The following PDXDC1 variants were observed in gnomAD, a reference collection of about 807,000 sequenced individuals.
The protein encoded by PDXDC1 is pyridoxal-dependent decarboxylase domain-containing protein 1.
PDXDC1 carries 42 observed loss-of-function variants against 100.1 expected under a neutral mutation model. That is an observed-to-expected ratio of 0.42 (90% CI 0.33 to 0.54). The LOEUF (loss-of-function observed/expected upper bound fraction) is 0.54, where lower values mean the gene tolerates loss of function less well. Among genes scored for constraint, PDXDC1 ranks in the 20% least tolerant of loss-of-function variants. The probability of loss-of-function intolerance (pLI) is 0.10; values close to 1 mark genes in which losing one functional copy is unlikely to be tolerated. For synonymous variants in PDXDC1, 260 were observed against 371.7 expected (o/e 0.70, Z 3.46); for missense variants, 636 against 979.2 (o/e 0.65, Z 4.68).
At chr16:15,127,034 C>A (rs981809171) in intron 16 of PDXDC1, 1 of 346,628 alleles carries the variant, frequency 2.9e-6, no homozygotes, top group Non-Finnish European at 5.7e-6. Context: ...CAGATCCGCC[C>A]ACCTCGGCCT....
intron 16 of PDXDC1, among the ~76,000 whole-genome samples, chr16:15,069,252 A>G (rs1225069769): frequency 6.6e-6 from 1 of 152,092 alleles, no homozygotes; most frequent in South Asian, 2.1e-4. Flanking sequence ...GTTGGCAGCT[A>G]GTAGGTGGAG....
intron 16 of PDXDC1, chr16:15,047,287 C>T (rs999243987): frequency 4.8e-5 from 30 of 626,058 alleles, no homozygotes; most frequent in African/African-American, 1.8e-4. Flanking sequence ...CCACTGCTGA[C>T]GCAGTGCCCA....
In PDXDC1 at chr16:15,007,157, CTTTTTTTTTTT is replaced by C. The variant is rs56256230; in HGVS notation, c.579+595_579+605del. ...AGAATTGCTGGATCAAAGAGCATGA[CTTTTTTTTTTT>C]TTTTTTTTTTTTTTTTTTTTGAGAC... On this transcript the variant is annotated intron_variant, in intron 6 of 22. Coordinates refer to ENST00000396410, the MANE Select transcript of PDXDC1 (RefSeq NM_015027.4). Among the ~76,000 whole-genome samples, 37 of 73,952 alleles carry C rather than the reference CTTTTTTTTTTT, an allele frequency of 5.0e-4. No homozygotes were observed. In the South Asian group the frequency reaches 7.3e-3, roughly 15 times the overall value. 48.5% of individuals were successfully genotyped at this position (73,952 alleles called of 152,430 possible).
chr16:15,044,686 G>T, intron 16 of PDXDC1: 1 of 501,568 alleles, frequency 2.0e-6, no homozygotes. Context: ...CTTTGCTCTG[G>T]AAGAGCACAG....
At chr16:14,982,939 G>A (rs2151176546) in intron 1 of PDXDC1, among the ~76,000 whole-genome samples, 1 of 152,390 alleles carries the variant, frequency 6.6e-6, no homozygotes, top group East Asian at 1.9e-4. Flanking sequence ...GGAGGCAAGA[G>A]TAGTTAAGTT....
chr16:15,125,072 G>A (rs1197845776), intron 16 of PDXDC1, among the ~76,000 whole-genome samples: 3 of 149,486 alleles, frequency 2.0e-5, no homozygotes, highest in Non-Finnish European at 4.4e-5. Context: ...CCTTGAACCC[G>A]GGAGGCGGAG....
intron 16 of PDXDC1, among the ~76,000 whole-genome samples, chr16:15,102,106 A>G (rs556668495): frequency 3.9e-5 from 6 of 152,140 alleles, no homozygotes; most frequent in African/African-American, 1.4e-4. Context: ...TCGGCCTCTC[A>G]AAGTGTTGGG....
intron 16 of PDXDC1, among the ~76,000 whole-genome samples, chr16:15,075,520 A>G (rs1187621831): frequency 2.0e-5 from 3 of 151,826 alleles, no homozygotes; most frequent in African/African-American, 7.3e-5. Flanking sequence ...GGAGTGGGCC[A>G]AGATCACACA....
chr16:15,050,379 C>A (rs570543743), intron 16 of PDXDC1, among the ~76,000 whole-genome samples: 2 of 152,316 alleles, frequency 1.3e-5, no homozygotes, highest in South Asian at 4.1e-4. Flanking sequence ...TCTTAGTCTT[C>A]TATCAGCTTC....
At chr16:15,057,422 G>C (rs1206989107) in intron 16 of PDXDC1, among the ~76,000 whole-genome samples, 4 of 152,196 alleles carry the variant, frequency 2.6e-5, no homozygotes, top group Non-Finnish European at 5.9e-5. Flanking sequence ...CGTTATAACA[G>C]ATACAGTAAC....
intron 1 of PDXDC1, among the ~76,000 whole-genome samples, chr16:14,996,162 G>A (rs1006390412): frequency 3.9e-5 from 6 of 152,284 alleles, no homozygotes; most frequent in African/African-American, 1.2e-4. Flanking sequence ...AACACAGCTG[G>A]AAAATCCCTG....
rs143819486 is a variant in PDXDC1 at position 15,043,356 on chromosome 16, A to T, written c.1399+13300A>T. Among the ~76,000 whole-genome samples the T allele has an allele frequency of 4.9e-3, 748 of 152,278 alleles. 3 individuals carry two copies. The highest frequency in any genetic ancestry group is 7.4e-3 in the Non-Finnish European group (504 of 68,030). The stretch of plus-strand genomic sequence containing the variant: ...CGGCCGGATATGAACCTTTTTTAAG[A>T]GTTATGGCGAGACCCTGTCTCCACA... On this transcript the variant is annotated intron_variant, in intron 16 of 16. Coordinates refer to the PDXDC1 transcript ENST00000535621.
intron 16 of PDXDC1, among the ~76,000 whole-genome samples, chr16:15,104,988 T>C (rs1273952560): frequency 6.6e-6 from 1 of 151,280 alleles, no homozygotes; most frequent in African/African-American, 2.4e-5. Context: ...CACATGCCAC[T>C]GTGTCTGTCT....
At chr16:15,043,955 GA>G (rs962627544) in intron 16 of PDXDC1, among the ~76,000 whole-genome samples, 4 of 149,428 alleles carry the variant, frequency 2.7e-5, no homozygotes, top group Non-Finnish European at 4.5e-5. Context: ...CTCAAAAAAA[GA>G]AAAAAAAAGA....
At chr16:15,063,552 C>G (rs2044811271) in intron 16 of PDXDC1, among the ~76,000 whole-genome samples, 1 of 151,546 alleles carries the variant, frequency 6.6e-6, no homozygotes, top group Non-Finnish European at 1.5e-5. Context: ...ACTAAAAATA[C>G]AAAAAATTAG....
chr16:15,077,268 C>T (rs1330140007), intron 16 of PDXDC1, among the ~76,000 whole-genome samples: 5 of 152,146 alleles, frequency 3.3e-5, no homozygotes, highest in Admixed American at 2.6e-4. Context: ...CATGAGCCAC[C>T]GCGCCTGGCC....
chr16:15,022,502 A>G (rs563316434), intron 12 of PDXDC1, among the ~76,000 whole-genome samples: 17 of 152,410 alleles, frequency 1.1e-4, no homozygotes, highest in African/African-American at 3.1e-4. Context: ...GCTTTTCTTG[A>G]ATTACTACAT....
In PDXDC1 at chr16:14,975,939, A is replaced by G. The variant is rs1481850429; in HGVS notation, c.21+719A>G. 2.6e-5 allele frequency among the ~76,000 whole-genome samples: 4 copies of G among 152,418 alleles called. No homozygotes were observed. In the East Asian group the frequency reaches 5.8e-4, roughly 22 times the overall value. ...TTTTGGGGATCGCAGCTGCTCCACAACTTCCTGGCTCCCCCATTCCAGTGG... is the reference window on the plus strand; with the variant it reads ...TTTTGGGGATCGCAGCTGCTCCACAGCTTCCTGGCTCCCCCATTCCAGTGG... On this transcript the variant is annotated intron_variant, in intron 1 of 22. Coordinates refer to ENST00000396410, the MANE Select transcript of PDXDC1 (RefSeq NM_015027.4).
At chr16:15,095,040 G>T (rs2046304193) in intron 16 of PDXDC1, among the ~76,000 whole-genome samples, 1 of 152,044 alleles carries the variant, frequency 6.6e-6, no homozygotes, top group Non-Finnish European at 1.5e-5. Flanking sequence ...GTTGCACTGT[G>T]TTGGCCAGGC....
Sources: allele counts gnomAD v4.1 joint callset (sites outside exome capture counted in the v4.1 genomes callset), GRCh38; gene constraint gnomAD v4.1.1; transcripts MANE v1.5; gene names NCBI Gene and HGNC (gene_info 2026-07-23, HGNC 2026-07-21).